The following BRD1 variants were observed in gnomAD, a reference collection of about 807,000 sequenced individuals.
BRD1 encodes the protein bromodomain-containing protein 1.
BRD1 carries 24 observed loss-of-function variants against 107.7 expected under a neutral mutation model. That is an observed-to-expected ratio of 0.22 (90% CI 0.16 to 0.31). BRD1 has a LOEUF of 0.31. Among genes scored for constraint, BRD1 ranks in the 10% least tolerant of loss-of-function variants. The probability of loss-of-function intolerance (pLI) is 1.00; values close to 1 mark genes in which losing one functional copy is unlikely to be tolerated. For synonymous variants in BRD1, 744 were observed against 686.1 expected, an observed-to-expected ratio of 1.08 and a Z score of -1.32; for missense variants, 1,279 against 1,638.6, an observed-to-expected ratio of 0.78 and a Z score of 3.79.
At chr22:49,821,983 G>A (rs569329681) in intron 2 of BRD1, among the ~76,000 whole-genome samples, 49 of 152,374 alleles carry the variant, frequency 3.2e-4, no homozygotes, top group East Asian at 2.1e-3. Context: ...GGCACAGCAC[G>A]GGAAACGGGG....
chr22:49,822,175 T>C (rs1352592106), intron 2 of BRD1, among the ~76,000 whole-genome samples: 1 of 151,898 alleles, frequency 6.6e-6, no homozygotes. Flanking sequence ...CCTATAGTCC[T>C]AGCACTTTGG....
chr22:49,798,515 A>G (rs772856649), intron 5 of BRD1, 43 bp downstream of exon 5: 21 of 1,614,066 alleles, frequency 1.3e-5, no homozygotes, highest in Non-Finnish European at 1.7e-5. Context: ...ACAAATCCAC[A>G]GTCACACATG....
In BRD1 at chr22:49,775,531, C is replaced by A; in HGVS notation, c.3386+60G>T. On this transcript the variant is annotated intron_variant, in intron 12 of 12. Transcript: ENST00000404760. The stretch of plus-strand genomic sequence containing the variant: ...CTCACCACAGGGACACTCAGGTCAC[C>A]GAGCCCACGGCCCCCAACCACCCCA... 1.1e-5 allele frequency: 14 copies of A among 1,311,634 alleles called. 1 individual carries two copies. Among genetic ancestry groups the A allele is most frequent in the Non-Finnish European group, 1.2e-5 (12 of 1,026,042 alleles). The allele number at this position is 1,311,634 out of a possible 1,614,324, so 81.2% of individuals were successfully genotyped here. A position where few individuals can be genotyped will look rare whatever the true frequency, so the allele number is the denominator to read the frequency against.
chr22:49,799,623 C>A (rs779927794), intron 3 of BRD1, among the ~76,000 whole-genome samples: 2 of 152,206 alleles, frequency 1.3e-5, no homozygotes, highest in Non-Finnish European at 2.9e-5. Flanking sequence ...GACCTGCTGC[C>A]CTGCCCTGCA....
At chr22:49,819,791 A>G (rs1330646964) in intron 2 of BRD1, among the ~76,000 whole-genome samples, 1 of 151,990 alleles carries the variant, frequency 6.6e-6, no homozygotes, top group African/African-American at 2.4e-5. Context: ...TTATTATTTA[A>G]TCATAGTATA....
In BRD1 at chr22:49,794,014, C is replaced by A; in HGVS notation, c.2359+20G>T. The A allele has an allele frequency of 6.2e-7, 1 of 1,602,444 alleles. No individual in the cohort carries two copies. The highest frequency in any genetic ancestry group is 1.1e-5 in the South Asian group (1 of 89,810). ...GAGCCGTGACGGCAAGAAAGCGGGG[C>A]AGCCCTCACCGTGGCTTACCTTCCT... On this transcript the variant is annotated intron_variant, in intron 7 of 12. Coordinates refer to ENST00000404760, the MANE Select transcript of BRD1 (RefSeq NM_001304808.3).
chr22:49,775,877 C>T (rs907903855), intron 11 of BRD1, 132 bp from the exon 12 acceptor site: 16 of 1,183,100 alleles, frequency 1.4e-5, no homozygotes, highest in Admixed American at 4.5e-5. Context: ...ACGCCCCCCT[C>T]GCCGAACCAC....
rs532394158 is a variant in BRD1, at chr22:49,774,067, C to T, written c.*166G>A. 6.3e-4 allele frequency: 612 copies of T among 965,496 alleles called. 3 individuals are homozygous for T. The highest frequency in any genetic ancestry group is 5.8e-3 in the Middle Eastern group (17 of 2,934). The allele number at this position is 965,496 out of a possible 1,614,324, so 59.8% of individuals were successfully genotyped here. ...GCCCACCCCACTCACAGCGCCCAGA[C>T]GGAGATGGGTTCCTAGAAAACTTGG... On this transcript the variant is annotated 3_prime_UTR_variant, in exon 13 of 13. Transcript: ENST00000404760.
At chr22:49,807,216 C>T (rs1427160089) in intron 2 of BRD1, 2 of 152,180 alleles carry the variant, frequency 1.3e-5, no homozygotes, top group African/African-American at 4.8e-5. Flanking sequence ...AAGTGATCTA[C>T]AGATCCAATG....
chr22:49,790,590 G>T (rs1007126106), intron 7 of BRD1, among the ~76,000 whole-genome samples: 2 of 152,170 alleles, frequency 1.3e-5, no homozygotes, highest in Non-Finnish European at 2.9e-5. Flanking sequence ...GAACAATTCC[G>T]CAATATTTTG....
chr22:49,779,361 ATGAC>A (rs1486307329), intron 8 of BRD1, among the ~76,000 whole-genome samples: 2 of 152,196 alleles, frequency 1.3e-5, no homozygotes, highest in African/African-American at 2.4e-5. Context: ...CTCAATGAGC[ATGAC>A]TGACTGAAAC....
chr22:49,792,619 A>T lies in BRD1; in HGVS notation c.2359+1415T>A, dbSNP rs141411465. 3.2e-3 allele frequency among the ~76,000 whole-genome samples: 483 copies of T among 152,332 alleles called. 10 individuals carry two copies. Among genetic ancestry groups the T allele is most frequent in the Admixed American group, 0.027 (420 of 15,306 alleles). ...AAATAGAAAAGCCTTTATTCTATGG[A>T]CCTAACGTAATTGACGCCAGCCCCA... On this transcript the variant is annotated intron_variant, in intron 7 of 12. Coordinates refer to ENST00000404760, the MANE Select transcript of BRD1 (RefSeq NM_001304808.3). This position sits in a 1 kb window ranked among gnomAD's most constrained non-coding sequence, Gnocchi z 4.2.
intron 9 of BRD1, 99 bp downstream of exon 9, chr22:49,777,579 C>G: frequency 6.7e-7 from 1 of 1,499,466 alleles, no homozygotes; most frequent in Non-Finnish European, 8.9e-7. Flanking sequence ...TCAGAGAACA[C>G]TAAGATGGGA....
In BRD1 at chr22:49,774,280, T is replaced by C; in HGVS notation, c.3523A>G (p.Ser1175Gly). Reference sequence around the variant, plus strand: ...CTGGTCGGCTCCCCGTGGACGCGGCTCAGGTGGTTCATGGCGCGGTCAAAA... The same window carrying C: ...CTGGTCGGCTCCCCGTGGACGCGGCCCAGGTGGTTCATGGCGCGGTCAAAA... ...IAFDRAMNHLSRVHGEPTSDL... is the reference protein window; with the variant it reads ...IAFDRAMNHLGRVHGEPTSDL... Residue 1175 changes from serine (S) to glycine (G), a missense_variant, in exon 13 of 13, where the codon AGC (serine) becomes GGC (glycine). Physicochemically the swap from Ser to Gly is moderately conservative, Grantham distance 56. This residue lies in a region of BRD1 where 136 missense variants were observed against 196.8 expected (regional missense o/e 0.69). Coordinates refer to ENST00000404760, the MANE Select transcript of BRD1 (RefSeq NM_001304808.3). The C allele has an allele frequency of 1.2e-6, 2 of 1,614,156 alleles. No homozygotes were observed. The highest frequency in any genetic ancestry group is 1.7e-6 in the Non-Finnish European group (2 of 1,180,012).
Position 49,823,919 on chromosome 22 carries a change from G to C in BRD1, c.399C>G (p.Pro133=), listed in dbSNP as rs757445558. ...ACTTGTAGTACACAGGAGGCCTCCT[G>C]GGGGCGGACGGAGGGCTGTACTCCA... ...RIVEYSPPSA[P]RRPPVYYKFI... Residue 133 remains proline (P), a synonymous_variant, in exon 2 of 13, where the codon CCC becomes CCG. Transcript: ENST00000404760. 4.3e-6 allele frequency: 7 copies of C among 1,614,090 alleles called. No individual in the cohort carries two copies. The Admixed American group carries it at 8.3e-5, about 19-fold the overall frequency.
chr22:49,797,675 TA>T, intron 6 of BRD1, 129 bp downstream of exon 6: 1 of 863,336 alleles, frequency 1.2e-6, no homozygotes, highest in Non-Finnish European at 1.7e-6. Context: ...CTAGAAAATG[TA>T]AATGATGTAT....
chr22:49,791,663 C>A (rs1031301856), intron 7 of BRD1, among the ~76,000 whole-genome samples: 2 of 152,170 alleles, frequency 1.3e-5, no homozygotes, highest in Admixed American at 6.5e-5. Flanking sequence ...AATGACTTCC[C>A]CATTCCAGTC....
chr22:49,826,098 C>T lies in BRD1; in HGVS notation c.-15+1399G>A, dbSNP rs534787875. On this transcript the variant is annotated intron_variant, in intron 1 of 12. Coordinates refer to ENST00000404760, the MANE Select transcript of BRD1 (RefSeq NM_001304808.3). ...GAGAGCGACCCTAGTGCACCCGGGACGCCGACACGCGTCATTACTGAGGTG... is the reference window on the plus strand; with the variant it reads ...GAGAGCGACCCTAGTGCACCCGGGATGCCGACACGCGTCATTACTGAGGTG... 1.5e-3 allele frequency: 1,340 copies of T among 905,210 alleles called. 1 individual carries two copies. Among genetic ancestry groups the T allele is most frequent in the Non-Finnish European group, 1.7e-3 (1,266 of 756,946 alleles). 56.1% of individuals were successfully genotyped at this position (905,210 alleles called of 1,614,324 possible).
chr22:49,787,322 A>G, intron 8 of BRD1, 68 bp downstream of exon 8: 2 of 747,190 alleles, frequency 2.7e-6, no homozygotes, highest in East Asian at 6.0e-5. Flanking sequence ...CGTCACACCA[A>G]TGATCCTGAA....
Sources: gnomAD v4.1 joint callset for allele counts (sites outside exome capture counted in the v4.1 genomes callset) on GRCh38, gnomAD v4.1.1 for gene constraint, gnomAD v4.1.1 regional missense constraint, Gnocchi (gnomAD v3.1) non-coding constraint, MANE v1.5 for transcripts, NCBI Gene and HGNC (gene_info 2026-07-23, HGNC 2026-07-21) for gene names.